R3HDM1: variants seen among roughly 807,000 people sequenced by gnomAD.
The protein encoded by R3HDM1 is R3H domain-containing protein 1.
R3HDM1 carries 46 observed loss-of-function variants against 141.1 expected under a neutral mutation model. The observed-to-expected ratio is 0.33, with a 90% CI of 0.26 to 0.42. The LOEUF (loss-of-function observed/expected upper bound fraction) is 0.42, where lower values mean the gene tolerates loss of function less well. R3HDM1 is among the 10% of genes least tolerant of loss of function. R3HDM1 has a pLI of 1.00. For synonymous variants in R3HDM1, 435 were observed against 472.9 expected, an observed-to-expected ratio of 0.92 and a Z score of 1.04; for missense variants, 1,184 against 1,368.3, an observed-to-expected ratio of 0.87 and a Z score of 2.12.
In R3HDM1 at chr2:135,565,100, A is replaced by G. The variant is rs967452894; in HGVS notation, c.-250+33467A>G. ...TACAGTTTTTCAGTCTTTTAAAACA[A>G]CACTTGGATGTATGCTGTAATTTTT... is the stretch of plus-strand genomic sequence containing the variant. On this transcript the variant is annotated intron_variant, in intron 1 of 26. Transcript: ENST00000683871. Among the ~76,000 whole-genome samples the G allele has an allele frequency of 1.1e-4, 17 of 152,202 alleles. No individual in the cohort carries two copies. In the South Asian group the frequency reaches 3.5e-3, roughly 32 times the overall value.
intron 18 of R3HDM1, among the ~76,000 whole-genome samples, chr2:135,654,356 C>A (rs2065510615): frequency 6.6e-6 from 1 of 152,102 alleles, no homozygotes; most frequent in Admixed American, 6.6e-5. Context: ...AATGTATTCA[C>A]ACTTAAAAAT....
At chr2:135,571,546 G>A (rs542549355) in intron 1 of R3HDM1, among the ~76,000 whole-genome samples, 116 of 151,622 alleles carry the variant, frequency 7.7e-4, no homozygotes, top group Admixed American at 9.2e-4. Context: ...GACTGGTCTC[G>A]AACTCCTGAG....
chr2:135,591,323 A>C (rs181682477), intron 1 of R3HDM1, among the ~76,000 whole-genome samples: 7 of 152,344 alleles, frequency 4.6e-5, no homozygotes, highest in African/African-American at 1.7e-4. Flanking sequence ...AGATACATTC[A>C]TTTAGTTATA....
At chr2:135,557,259 A>C (rs959659476) in intron 1 of R3HDM1, among the ~76,000 whole-genome samples, 16 of 151,850 alleles carry the variant, frequency 1.1e-4, no homozygotes, top group African/African-American at 3.6e-4. Flanking sequence ...TTCCTCTACT[A>C]ATTTTACTTT....
At chr2:135,606,574 C>G (rs1466866246) in intron 3 of R3HDM1, 2 of 148,704 alleles carry the variant, frequency 1.3e-5, no homozygotes, top group African/African-American at 4.9e-5. Context: ...CCATCCTGAC[C>G]AACATGGTGA....
intron 1 of R3HDM1, chr2:135,590,671 G>A (rs1709054425): frequency 3.8e-5 from 37 of 985,286 alleles, no homozygotes; most frequent in South Asian, 4.7e-5. Context: ...ATAGTATGTA[G>A]TGTGAACTAT....
At chr2:135,714,185 C>G (rs1311706707) in intron 23 of R3HDM1, among the ~76,000 whole-genome samples, 1 of 152,124 alleles carries the variant, frequency 6.6e-6, no homozygotes, top group African/African-American at 2.4e-5. Context: ...ACCATGTTAA[C>G]AAAGCAGTCG....
chr2:135,558,753 A>T (rs1466051611), intron 1 of R3HDM1, among the ~76,000 whole-genome samples: 1 of 152,176 alleles, frequency 6.6e-6, no homozygotes, highest in Non-Finnish European at 1.5e-5. Flanking sequence ...AGATTTAGGG[A>T]TGAACATTTC....
chr2:135,613,948 G>T (rs2060781636), intron 3 of R3HDM1, among the ~76,000 whole-genome samples: 1 of 152,192 alleles, frequency 6.6e-6, no homozygotes, highest in South Asian at 2.1e-4. Context: ...CCACAATAAA[G>T]TTTTTTAAAA....
In R3HDM1 at chr2:135,675,497, T is replaced by G; in HGVS notation, c.2307+11T>G. ...GTGCCAACATATCAGGTATATTGTCTCTTTTATGTACTTTGGGTAGAGATG... is the reference window on the plus strand; with the variant it reads ...GTGCCAACATATCAGGTATATTGTCGCTTTTATGTACTTTGGGTAGAGATG... On this transcript the variant is annotated intron_variant, in intron 20 of 26. Coordinates refer to ENST00000683871, the MANE Select transcript of R3HDM1 (RefSeq NM_001378107.1). The G allele has an allele frequency of 1.2e-6, 2 of 1,602,438 alleles. No homozygotes were observed. Among genetic ancestry groups the G allele is most frequent in the Non-Finnish European group, 1.7e-6 (2 of 1,171,740 alleles).
chr2:135,548,122 C>T (rs573249158), intron 1 of R3HDM1, among the ~76,000 whole-genome samples: 1 of 152,258 alleles, frequency 6.6e-6, no homozygotes, highest in African/African-American at 2.4e-5. Context: ...ATGCTAAGTA[C>T]AGAATCATAT....
intron 15 of R3HDM1, among the ~76,000 whole-genome samples, chr2:135,644,285 G>A (rs1428169132): frequency 6.6e-6 from 1 of 152,048 alleles, no homozygotes; most frequent in South Asian, 2.1e-4. Context: ...GGTGGATCAC[G>A]TGAGGTCAGG....
chr2:135,654,130 C>G (rs929651015), intron 18 of R3HDM1, among the ~76,000 whole-genome samples: 3 of 152,038 alleles, frequency 2.0e-5, no homozygotes, highest in Admixed American at 6.6e-5. Flanking sequence ...GCTACTTGTT[C>G]CTCCATTTCC....
At chr2:135,611,914 G>T (rs568015979) in intron 3 of R3HDM1, among the ~76,000 whole-genome samples, 1 of 152,246 alleles carries the variant, frequency 6.6e-6, no homozygotes, top group East Asian at 1.9e-4. Context: ...TAATTTTCAT[G>T]TACATCACCA....
At chr2:135,620,607 T>A in intron 5 of R3HDM1, 1 of 981,640 alleles carries the variant, frequency 1.0e-6, no homozygotes, top group Non-Finnish European at 1.2e-6. Flanking sequence ...CGTGTCTGAT[T>A]GATGGTTTTC....
intron 4 of R3HDM1, 100 bp from the exon 5 acceptor site, chr2:135,616,568 G>C: frequency 1.0e-6 from 1 of 967,786 alleles, no homozygotes; most frequent in Non-Finnish European, 1.5e-6. Flanking sequence ...TGTTATACAT[G>C]GCAGAAACTA....
chr2:135,559,134 C>T (rs1367444160), intron 1 of R3HDM1: 1 of 827,056 alleles, frequency 1.2e-6, no homozygotes, highest in Non-Finnish European at 1.4e-6. Context: ...TTGTCGGAGA[C>T]AGGGCCTCGC....
intron 1 of R3HDM1, among the ~76,000 whole-genome samples, chr2:135,546,511 C>T (rs1485458685): frequency 6.6e-6 from 1 of 152,078 alleles, no homozygotes; most frequent in African/African-American, 2.4e-5. Context: ...TAATTATCTC[C>T]CCTTTATATT....
Position 135,621,624 on chromosome 2 carries a change from GT to G in R3HDM1, c.418+25del, listed in dbSNP as rs3834114. ...TTATCAAGAGGTTTGCAGTTCTTTT[GT>G]TTTTTTTTAAAAAAAAATTTTGCTA... is the stretch of plus-strand genomic sequence containing the variant. On this transcript the variant is annotated intron_variant, in intron 6 of 26. Transcript: ENST00000683871. 177,225 of 1,506,032 alleles carry G rather than the reference GT, an allele frequency of 0.12. 21,392 individuals are homozygous for G. The highest frequency in any genetic ancestry group is 0.57 in the African/African-American group (39,526 of 69,652). 93.3% of individuals were successfully genotyped at this position (1,506,032 alleles called of 1,614,324 possible).
Sources: allele counts gnomAD v4.1 joint callset (sites outside exome capture counted in the v4.1 genomes callset), GRCh38; gene constraint gnomAD v4.1.1; transcripts MANE v1.5; gene names NCBI Gene and HGNC (gene_info 2026-07-23, HGNC 2026-07-21).